DNAJC1: variants seen among roughly 807,000 people sequenced by gnomAD.
The protein encoded by DNAJC1 is DnaJ heat shock protein family (Hsp40) member C1.
In DNAJC1, 58 loss-of-function variants were observed where a neutral mutation model predicts 76.6. The ratio of observed to expected loss-of-function variants is 0.76; its 90% CI spans 0.61 to 0.94. The LOEUF is 0.94. Ranked by LOEUF, DNAJC1 falls within the 40% of genes least tolerant of loss-of-function variation. DNAJC1 has a pLI of 0.00. For synonymous variants in DNAJC1, 258 were observed against 267.9 expected, an observed-to-expected ratio of 0.96 and a Z score of 0.36; for missense variants, 689 against 677.3, an observed-to-expected ratio of 1.02 and a Z score of -0.19.
chr10:21,928,464 A>T, intron 3 of DNAJC1, 42 bp downstream of exon 3: 5 of 1,548,438 alleles, frequency 3.2e-6, no homozygotes, highest in Non-Finnish European at 4.4e-6. Flanking sequence ...CTGTAGCATG[A>T]AACTATAACA....
At chr10:21,775,133 A>G (rs1439812570) in intron 9 of DNAJC1, among the ~76,000 whole-genome samples, 1 of 152,090 alleles carries the variant, frequency 6.6e-6, no homozygotes, top group Non-Finnish European at 1.5e-5. Context: ...TGATGTCGCT[A>G]TTGTCATTTT....
intron 8 of DNAJC1, among the ~76,000 whole-genome samples, chr10:21,838,205 T>C (rs1300035510): frequency 5.3e-5 from 8 of 152,070 alleles, no homozygotes; most frequent in South Asian, 2.1e-4. Context: ...GGGGAAAAGA[T>C]AGAGAAATCA....
intron 8 of DNAJC1, among the ~76,000 whole-genome samples, chr10:21,860,086 G>C (rs1483298085): frequency 6.6e-6 from 1 of 150,782 alleles, no homozygotes; most frequent in Non-Finnish European, 1.5e-5. Context: ...CCCGGCCAGA[G>C]TCAACTTCTT....
At chr10:21,771,783 C>A (rs1049853984) in intron 9 of DNAJC1, among the ~76,000 whole-genome samples, 7 of 152,208 alleles carry the variant, frequency 4.6e-5, no homozygotes, top group African/African-American at 1.7e-4. Flanking sequence ...CAGGTGGGAG[C>A]CACTGAGTCC....
At chr10:21,848,158 G>T (rs1334290681) in intron 8 of DNAJC1, among the ~76,000 whole-genome samples, 2 of 151,940 alleles carry the variant, frequency 1.3e-5, no homozygotes, top group Non-Finnish European at 2.9e-5. Context: ...CTTTAACTGG[G>T]GTCAGATTAT....
At chr10:21,981,660 G>T (rs1348308966) in intron 1 of DNAJC1, among the ~76,000 whole-genome samples, 1 of 152,162 alleles carries the variant, frequency 6.6e-6, no homozygotes, top group Non-Finnish European at 1.5e-5. Context: ...AAGATTACAT[G>T]AGATAATATG....
chr10:21,759,187 C>A lies in DNAJC1; in HGVS notation c.1579G>T (p.Val527Phe), dbSNP rs1343246453. ...SDRWDKIARC[V>F]PSKSKEDCIA... ...TCACTCACCTTGCTCTTGGACGGGACACATCTGGCTATTTTGTCCCAGCGG... is the reference window on the plus strand; with the variant it reads ...TCACTCACCTTGCTCTTGGACGGGAAACATCTGGCTATTTTGTCCCAGCGG... The change falls in exon 11 of 12, where the codon GTC becomes TTC. Residue 527 changes from valine to phenylalanine, a missense_variant. By Grantham distance (50) the Val-to-Phe change is conservative (BLOSUM62 -1). Transcript: ENST00000376980. 2.5e-6 allele frequency: 4 copies of A among 1,613,828 alleles called. No homozygotes were observed. The highest frequency in any genetic ancestry group is 3.4e-6 in the Non-Finnish European group (4 of 1,179,856).
intron 6 of DNAJC1, among the ~76,000 whole-genome samples, chr10:21,916,346 G>T (rs967645628): frequency 1.3e-5 from 2 of 151,982 alleles, no homozygotes; most frequent in African/African-American, 4.8e-5. Context: ...AAAATTAGCC[G>T]GGCGTGGTAG....
intron 8 of DNAJC1, among the ~76,000 whole-genome samples, chr10:21,869,215 C>CA (rs552376355): frequency 2.6e-3 from 249 of 94,288 alleles, no homozygotes; most frequent in Admixed American, 3.9e-3. Flanking sequence ...GACCATATCT[C>CA]AAAAAAAAAA....
intron 1 of DNAJC1, among the ~76,000 whole-genome samples, chr10:21,981,723 G>A (rs7094231): frequency 0.11 from 17,035 of 152,090 alleles, 2,390 homozygotes; most frequent in African/African-American, 0.33. Context: ...CTGGATATCT[G>A]CATGCAAAAG....
At chr10:21,940,216 A>C (rs763276303) in intron 1 of DNAJC1, among the ~76,000 whole-genome samples, 1 of 152,186 alleles carries the variant, frequency 6.6e-6, no homozygotes, top group African/African-American at 2.4e-5. Flanking sequence ...TTCCAGGGCA[A>C]ATAAAAATAA....
intron 2 of DNAJC1, 78 bp from the exon 3 acceptor site, chr10:21,928,630 T>C: frequency 8.8e-7 from 1 of 1,136,700 alleles, no homozygotes; most frequent in Non-Finnish European, 1.3e-6. Context: ...GGCACTACAA[T>C]ACACATGCAG....
chr10:21,881,384 T>C (rs1426757333), intron 8 of DNAJC1, among the ~76,000 whole-genome samples: 1 of 152,234 alleles, frequency 6.6e-6, no homozygotes, highest in African/African-American at 2.4e-5. Flanking sequence ...TTTTGGCCTA[T>C]CTTGGCTTTC....
intron 8 of DNAJC1, among the ~76,000 whole-genome samples, chr10:21,819,473 T>A (rs900963177): frequency 6.6e-6 from 1 of 152,204 alleles, no homozygotes; most frequent in Non-Finnish European, 1.5e-5. Context: ...TTCAAAATTT[T>A]AAAATGTATT....
chr10:21,818,562 G>T (rs1343501469), intron 8 of DNAJC1, among the ~76,000 whole-genome samples: 1 of 152,014 alleles, frequency 6.6e-6, no homozygotes, highest in African/African-American at 2.4e-5. Context: ...ATAAAAATTT[G>T]CTGGTTTTGC....
rs1055774967 is a variant in DNAJC1 at position 22,003,545 on chromosome 10, C to T, written c.-111G>A. 4.1e-6 allele frequency: 5 copies of T among 1,229,082 alleles called. No individual in the cohort carries two copies. The highest frequency in any genetic ancestry group is 5.1e-6 in the Non-Finnish European group (5 of 976,650). The allele number at this position is 1,229,082 out of a possible 1,614,324, so 76.1% of individuals were successfully genotyped here. A position where few individuals can be genotyped will look rare whatever the true frequency, so the allele number is the denominator to read the frequency against. ...AGCGCCTGTCAGTGAAAAGCGCGGG[C>T]AGGCGCACCGGAGCGGCCCGCCAGG... On this transcript the variant is annotated 5_prime_UTR_variant, in exon 1 of 12. Transcript: ENST00000376980.
At chr10:21,948,117 G>T (rs1837535605) in intron 1 of DNAJC1, among the ~76,000 whole-genome samples, 1 of 141,194 alleles carries the variant, frequency 7.1e-6, no homozygotes. Flanking sequence ...TTGAGATGGA[G>T]TTTCACTCTG....
intron 7 of DNAJC1, among the ~76,000 whole-genome samples, chr10:21,889,347 C>A (rs1836423385): frequency 6.6e-6 from 1 of 152,102 alleles, no homozygotes; most frequent in Non-Finnish European, 1.5e-5. Flanking sequence ...TCCCACCAGA[C>A]CCCACCTCCA....
At chr10:21,948,455 A>G (rs536783177) in intron 1 of DNAJC1, among the ~76,000 whole-genome samples, 1 of 152,170 alleles carries the variant, frequency 6.6e-6, no homozygotes, top group Non-Finnish European at 1.5e-5. Context: ...TTAATGTGGA[A>G]ATTTCTAATT....
Sources: gnomAD v4.1 joint callset for allele counts (sites outside exome capture counted in the v4.1 genomes callset) on GRCh38, gnomAD v4.1.1 for gene constraint, MANE v1.5 for transcripts, NCBI Gene and HGNC (gene_info 2026-07-23, HGNC 2026-07-21) for gene names.